Variants in EPB41L2 observed in about 807,000 individuals in gnomAD.
The protein encoded by EPB41L2 is erythrocyte membrane protein band 4.1 like 2.
EPB41L2 carries 43 observed loss-of-function variants against 113.0 expected under a neutral mutation model. The observed-to-expected ratio is 0.38, with a 90% CI of 0.30 to 0.49. EPB41L2 has a LOEUF of 0.49. EPB41L2 is among the 20% of genes least tolerant of loss of function. The probability of loss-of-function intolerance (pLI) is 0.95; values close to 1 mark genes in which losing one functional copy is unlikely to be tolerated. For synonymous variants in EPB41L2, 442 were observed against 436.7 expected (o/e 1.01, Z -0.15); for missense variants, 1,147 against 1,223.4 (o/e 0.94, Z 0.93).
intron 1 of EPB41L2, among the ~76,000 whole-genome samples, chr6:131,008,273 T>C (rs1265698684): frequency 2.0e-5 from 3 of 152,224 alleles, no homozygotes; most frequent in Non-Finnish European, 4.4e-5. Context: ...CTCAGGCCAT[T>C]GCTTCAGAGG....
chr6:131,026,801 A>T (rs948334392), intron 1 of EPB41L2, among the ~76,000 whole-genome samples: 9 of 152,154 alleles, frequency 5.9e-5, no homozygotes, highest in African/African-American at 2.2e-4. Context: ...TCTAGTCTGT[A>T]TGGAAAGCCA....
chr6:130,895,099 G>C lies in EPB41L2; in HGVS notation c.1257C>G (p.Ile419Met). The change falls in exon 9 of 20, where the codon ATC (isoleucine) becomes ATG (methionine). Residue 419 changes from isoleucine to methionine, a missense_variant. Ile to Met is a conservative substitution (Grantham distance 10). Transcript: ENST00000337057. ...HHAKDSEGVD[I>M]KLGVCANGLL... ...GTCCATTAGCACACACGCCCAGCTT[G>C]ATGTCCACACCTTCTGAGTCCTGCC... 1.2e-6 allele frequency: 2 copies of C among 1,611,710 alleles called. No individual in the cohort carries two copies.
intron 3 of EPB41L2, among the ~76,000 whole-genome samples, chr6:130,928,699 T>C (rs1218792985): frequency 6.6e-6 from 1 of 152,248 alleles, no homozygotes; most frequent in East Asian, 1.9e-4. Flanking sequence ...CACTACAATT[T>C]GGCAGTACAT....
chr6:130,870,390 C>G, intron 14 of EPB41L2: 1 of 1,550,492 alleles, frequency 6.4e-7, no homozygotes, highest in Non-Finnish European at 8.7e-7. Flanking sequence ...GTCTGCAGAA[C>G]AAAAAGCAAC....
intron 16 of EPB41L2, 76 bp from the exon 17 acceptor site, chr6:130,865,710 C>T (rs1288430134): frequency 5.8e-6 from 8 of 1,387,054 alleles, no homozygotes; most frequent in East Asian, 4.7e-5. Flanking sequence ...CCCGCCCCAT[C>T]GAATATGCAT....
At chr6:130,893,287 G>C (rs1405876397) in intron 10 of EPB41L2, among the ~76,000 whole-genome samples, 2 of 152,134 alleles carry the variant, frequency 1.3e-5, no homozygotes, top group Admixed American at 6.5e-5. Flanking sequence ...CAAAATGAGG[G>C]ATCAAAGCAG....
chr6:131,052,872 A>G (rs1273130292), intron 1 of EPB41L2, among the ~76,000 whole-genome samples: 4 of 151,944 alleles, frequency 2.6e-5, no homozygotes, highest in East Asian at 1.9e-4. Flanking sequence ...AGAAACATCA[A>G]TTTGAACAAC....
chr6:130,862,923 A>C (rs1042221774), intron 18 of EPB41L2, among the ~76,000 whole-genome samples: 1 of 152,180 alleles, frequency 6.6e-6, no homozygotes, highest in Non-Finnish European at 1.5e-5. Flanking sequence ...AAGTTGTTAT[A>C]AAAGGAAAAC....
intron 3 of EPB41L2, among the ~76,000 whole-genome samples, chr6:130,933,239 T>C (rs771626439): frequency 6.6e-6 from 1 of 152,248 alleles, no homozygotes; most frequent in African/African-American, 2.4e-5. Flanking sequence ...GTTTCTGTTC[T>C]TACAGTAGAA....
At chr6:131,062,723 C>T (rs935359505) in intron 1 of EPB41L2, 2 of 152,110 alleles carry the variant, frequency 1.3e-5, no homozygotes, top group East Asian at 3.9e-4. Flanking sequence ...ATTTTTCCCG[C>T]TGTTGCTCCA....
At chr6:131,029,391 TA>T (rs757528439) in intron 1 of EPB41L2, among the ~76,000 whole-genome samples, 6,714 of 119,422 alleles carry the variant, frequency 0.056, 274 homozygotes, top group East Asian at 0.21. Context: ...AGCATTTGTT[TA>T]AAAAAAAAAA....
At chr6:131,047,343 T>C (rs567484423) in intron 1 of EPB41L2, among the ~76,000 whole-genome samples, 3 of 151,900 alleles carry the variant, frequency 2.0e-5, no homozygotes, top group African/African-American at 7.2e-5. Flanking sequence ...CAAGACCCCA[T>C]CTCTAAAAAA....
chr6:130,915,423 G>A (rs1232381509), intron 4 of EPB41L2, among the ~76,000 whole-genome samples: 1 of 152,176 alleles, frequency 6.6e-6, no homozygotes, highest in Non-Finnish European at 1.5e-5. Context: ...CTGAAACTTA[G>A]CATCACTGTC....
intron 1 of EPB41L2, among the ~76,000 whole-genome samples, chr6:130,994,131 C>T (rs1381974161): frequency 1.3e-5 from 2 of 152,128 alleles, no homozygotes; most frequent in African/African-American, 4.8e-5. Flanking sequence ...GTCTACCACT[C>T]CAGCAAAATC....
At chr6:130,929,901 A>G (rs1234206291) in intron 3 of EPB41L2, among the ~76,000 whole-genome samples, 1 of 148,972 alleles carries the variant, frequency 6.7e-6, no homozygotes, top group Non-Finnish European at 1.5e-5. Flanking sequence ...ACACACATAC[A>G]CGCACAGTCA....
chr6:130,993,192 A>G (rs892597293), intron 1 of EPB41L2, among the ~76,000 whole-genome samples: 12 of 152,184 alleles, frequency 7.9e-5, no homozygotes, highest in East Asian at 7.7e-4. Flanking sequence ...TTTACAATAA[A>G]TACCCCAAAA....
intron 4 of EPB41L2, among the ~76,000 whole-genome samples, chr6:130,922,405 A>G (rs1461674500): frequency 6.6e-6 from 1 of 152,224 alleles, no homozygotes; most frequent in Non-Finnish European, 1.5e-5. Flanking sequence ...TTCTACTTCC[A>G]GTTGTGATAG....
In EPB41L2 at chr6:130,962,092, T is replaced by G. The variant is rs118069032; in HGVS notation, c.-14-5593A>C. On this transcript the variant is annotated intron_variant, in intron 1 of 19. Transcript: ENST00000337057. ...TGTATGTTCACCTCCCCGAAGGGCC[T>G]ATAGCTATTGAAAGAGAAGGTCTTT... 8.6e-3 allele frequency among the ~76,000 whole-genome samples: 1,303 copies of G among 152,256 alleles called. 9 individuals are homozygous for G. Among genetic ancestry groups the G allele is most frequent in the South Asian group, 0.021 (101 of 4,826 alleles).
intron 8 of EPB41L2, among the ~76,000 whole-genome samples, chr6:130,897,761 ACCT>A (rs755563517): frequency 1.3e-5 from 2 of 152,138 alleles, no homozygotes; most frequent in Non-Finnish European, 2.9e-5. Context: ...AATCTGTTTC[ACCT>A]CCTACTAGGA....
Sources: gnomAD v4.1 joint callset for allele counts (sites outside exome capture counted in the v4.1 genomes callset) on GRCh38, gnomAD v4.1.1 for gene constraint, MANE v1.5 for transcripts, NCBI Gene and HGNC (gene_info 2026-07-23, HGNC 2026-07-21) for gene names.